The following AP1M1 variants were observed in gnomAD, a reference collection of about 807,000 sequenced individuals.
The protein encoded by AP1M1 is AP-1 complex subunit mu-1.
AP1M1 carries 18 observed loss-of-function variants against 57.1 expected under a neutral mutation model. That is an observed-to-expected ratio of 0.32 (90% CI 0.22 to 0.47). The LOEUF (loss-of-function observed/expected upper bound fraction) is 0.47. AP1M1 is among the 20% of genes least tolerant of loss of function. The pLI is 1.00. For missense variants in AP1M1, 362 were observed against 593.5 expected (o/e 0.61, Z 4.05); for synonymous variants, 241 against 237.9 (o/e 1.01, Z -0.12).
chr19:16,197,982 C>CGCCGCCACCGCCCTCGGCCGCT lies in AP1M1; in HGVS notation c.-40_-19dup. On this transcript the variant is annotated 5_prime_UTR_variant, in exon 1 of 12. Transcript: ENST00000291439. Reference sequence around the variant, plus strand: ...GCCCAGCAGTCCCCACCGTCGCTGCCGCCGCCACCGCCCTCGGCCGCTGCC... The same window carrying CGCCGCCACCGCCCTCGGCCGCT: ...GCCCAGCAGTCCCCACCGTCGCTGCCGCCGCCACCGCCCTCGGCCGCTGCCGCCACCGCCCTCGGCCGCTGCC... 1 of 1,531,748 alleles carries CGCCGCCACCGCCCTCGGCCGCT rather than the reference C, an allele frequency of 6.5e-7. No individual in the cohort carries two copies. The highest frequency in any genetic ancestry group is 8.8e-7 in the Non-Finnish European group (1 of 1,139,438). 94.9% of individuals were successfully genotyped at this position (1,531,748 alleles called of 1,614,324 possible). A position where few individuals can be genotyped will look rare whatever the true frequency, so the allele number is the denominator to read the frequency against.
At chr19:16,209,666 G>A (rs1320973124) in intron 5 of AP1M1, among the ~76,000 whole-genome samples, 2 of 151,872 alleles carry the variant, frequency 1.3e-5, no homozygotes, top group East Asian at 3.9e-4. Context: ...GAAAGATTAG[G>A]ATTTATTCAC....
At chr19:16,210,524 G>A in intron 5 of AP1M1, 3 of 619,884 alleles carry the variant, frequency 4.8e-6, no homozygotes, top group Non-Finnish European at 8.9e-6. Context: ...ATCCTAATAG[G>A]TATGTAGTAG....
At position 16,244,745 on chromosome 19, in the gene AP1M1, G is replaced by C. The variant is rs1233333022; in HGVS notation, c.*10310G>C. The C allele has an allele frequency of 1.3e-5, 2 of 151,816 alleles. No individual in the cohort carries two copies. Among genetic ancestry groups the C allele is most frequent in the African/African-American group, 4.8e-5 (2 of 41,372 alleles). 9.4% of individuals were successfully genotyped at this position (151,816 alleles called of 1,614,324 possible). On this transcript the variant is annotated 3_prime_UTR_variant, in exon 12 of 12. Coordinates refer to ENST00000291439, the MANE Select transcript of AP1M1 (RefSeq NM_032493.4). The stretch of plus-strand genomic sequence containing the variant: ...CTCCGGAGGCTGAGGCAGGAGAATG[G>C]CGTGAACCCGGGAAGCGGAGCTTGC...
chr19:16,231,092 T>G (rs1277550797), intron 9 of AP1M1, among the ~76,000 whole-genome samples: 4 of 151,724 alleles, frequency 2.6e-5, no homozygotes, highest in Non-Finnish European at 5.9e-5. Context: ...ATCAAGACCA[T>G]CCTGGCTAAC....
In AP1M1 at chr19:16,234,157, C is replaced by T. The variant is rs374022955; in HGVS notation, c.1174-42C>T. ...AAAGATTAAGGGGGGACCAACAGGG[C>T]GGGAGCCTGCGGTGCTCAGGGCCCT... On this transcript the variant is annotated intron_variant, in intron 10 of 11. Transcript: ENST00000291439. 4.9e-5 allele frequency: 78 copies of T among 1,579,056 alleles called. No homozygotes were observed. The African/African-American group carries it at 9.3e-4, about 19-fold the overall frequency.
intron 5 of AP1M1, among the ~76,000 whole-genome samples, chr19:16,215,194 C>CAGGGGCGGGGGGGGGGGGGGG (rs1568350995): frequency 5.2e-4 from 1 of 1,922 alleles, no homozygotes; most frequent in African/African-American, 1.6e-3. Flanking sequence ...GAGGCTAAGG[C>CAGGGGCGGGGGGGGGGGGGGG]GGGGGCGGGG....
chr19:16,204,988 G>A (rs1368906094), intron 2 of AP1M1, among the ~76,000 whole-genome samples: 2 of 151,936 alleles, frequency 1.3e-5, no homozygotes, highest in South Asian at 4.2e-4. Flanking sequence ...CCGCCACCAC[G>A]CCCAGCTAAT....
At position 16,245,414 on chromosome 19, in the gene AP1M1, C is replaced by T. The variant is rs431508; in HGVS notation, c.*10979C>T. 0.71 allele frequency: 108,407 copies of T among 151,830 alleles called. 38,949 individuals are homozygous for T. Among genetic ancestry groups the T allele is most frequent in the Admixed American group, 0.77 (11,770 of 15,240 alleles). The allele number at this position is 151,830 out of a possible 1,614,324, so 9.4% of individuals were successfully genotyped here. A position where few individuals can be genotyped will look rare whatever the true frequency, so the allele number is the denominator to read the frequency against. On this transcript the variant is annotated 3_prime_UTR_variant, in exon 12 of 12. Transcript: ENST00000291439. ...CTCCTGCCTCAGCCTCCTGAGTAGCCAGGATTACAGGTGCACGCCACCACA... is the reference window on the plus strand; with the variant it reads ...CTCCTGCCTCAGCCTCCTGAGTAGCTAGGATTACAGGTGCACGCCACCACA...
intron 9 of AP1M1, among the ~76,000 whole-genome samples, chr19:16,231,104 T>G: frequency 6.6e-6 from 1 of 151,716 alleles, no homozygotes; most frequent in African/African-American, 2.4e-5. Context: ...CTGGCTAACA[T>G]GGTGAAACCC....
At chr19:16,210,533 A>G in intron 5 of AP1M1, 4 of 614,458 alleles carry the variant, frequency 6.5e-6, no homozygotes, top group Non-Finnish European at 1.2e-5. Flanking sequence ...GGTATGTAGT[A>G]GTATGTCAGC....
rs767820743 is a variant in AP1M1 at position 16,203,855 on chromosome 19, G to T, written c.199+240G>T. Among the ~76,000 whole-genome samples, 53 of 152,310 alleles carry T rather than the reference G, an allele frequency of 3.5e-4. No individual in the cohort carries two copies. Among genetic ancestry groups the T allele is most frequent in the Middle Eastern group, 6.8e-3 (2 of 294 alleles). On this transcript the variant is annotated intron_variant, in intron 2 of 11. Coordinates refer to ENST00000291439, the MANE Select transcript of AP1M1 (RefSeq NM_032493.4). This position sits in a 1 kb window ranked among gnomAD's most constrained non-coding sequence, Gnocchi z 4.6. ...CCTCTTCAGCCCAGGGGCCCAGGAA[G>T]GGAAATGACACCCTGGAGGAAGCCT...
At chr19:16,215,060 C>A (rs1000002538) in intron 5 of AP1M1, among the ~76,000 whole-genome samples, 1 of 151,452 alleles carries the variant, frequency 6.6e-6, no homozygotes, top group Non-Finnish European at 1.5e-5. Context: ...AAAACGATCT[C>A]ATTTCTCCTT....
intron 5 of AP1M1, among the ~76,000 whole-genome samples, chr19:16,224,408 GGCA>G (rs1243881040): frequency 2.0e-5 from 3 of 152,348 alleles, no homozygotes; most frequent in Middle Eastern, 3.4e-3. Context: ...TCAGCACAAG[GGCA>G]GCTGTCAGGA....
Position 16,242,742 on chromosome 19 carries a change from T to G in AP1M1, c.*8307T>G, listed in dbSNP as rs1420605520. The G allele has an allele frequency of 6.6e-6, 1 of 152,190 alleles. No homozygotes were observed. The highest frequency in any genetic ancestry group is 1.5e-5 in the Non-Finnish European group (1 of 68,044). 9.4% of individuals were successfully genotyped at this position (152,190 alleles called of 1,614,324 possible). A position where few individuals can be genotyped will look rare whatever the true frequency, so the allele number is the denominator to read the frequency against. On this transcript the variant is annotated 3_prime_UTR_variant, in exon 12 of 12. Coordinates refer to ENST00000291439, the MANE Select transcript of AP1M1 (RefSeq NM_032493.4). ...TTAATTCCAGACAGAATAGATGTAT[T>G]TATTTATTTATTCATTCATTTAATT... is the stretch of plus-strand genomic sequence containing the variant.
intron 5 of AP1M1, among the ~76,000 whole-genome samples, chr19:16,215,000 C>T (rs1011803390): frequency 1.3e-5 from 2 of 151,254 alleles, no homozygotes; most frequent in East Asian, 2.0e-4. Flanking sequence ...CCACCCACCT[C>T]GGCCTCCTAA....
intron 5 of AP1M1, among the ~76,000 whole-genome samples, chr19:16,210,624 A>C (rs993707994): frequency 6.6e-6 from 1 of 152,220 alleles, no homozygotes; most frequent in Non-Finnish European, 1.5e-5. Flanking sequence ...CAATGGCACT[A>C]TCTCCATTCA....
At chr19:16,233,244 C>G (rs1263406512) in intron 9 of AP1M1, among the ~76,000 whole-genome samples, 2 of 152,212 alleles carry the variant, frequency 1.3e-5, no homozygotes, top group African/African-American at 4.8e-5. Flanking sequence ...CTGGGGCTGG[C>G]AGCTTGGTGA....
intron 5 of AP1M1, chr19:16,210,357 T>TAGGGTAAATACCCAGGAGTGGG: frequency 2.8e-6 from 2 of 718,380 alleles, no homozygotes; most frequent in South Asian, 3.0e-5. Context: ...TTCATCTCTC[T>TAGGGTAAATACCCAGGAGTGGG]AGGGTAAATA....
At chr19:16,212,571 A>G (rs958237199) in intron 5 of AP1M1, among the ~76,000 whole-genome samples, 33 of 151,972 alleles carry the variant, frequency 2.2e-4, no homozygotes, top group African/African-American at 8.0e-4. Context: ...TGATGTTTTG[A>G]ATGGTGTTTT....
Sources: allele counts gnomAD v4.1 joint callset (sites outside exome capture counted in the v4.1 genomes callset), GRCh38; gene constraint gnomAD v4.1.1; non-coding constraint Gnocchi (gnomAD v3.1); transcripts MANE v1.5; gene names NCBI Gene and HGNC (gene_info 2026-07-23, HGNC 2026-07-21).